TAFA5: variants seen among roughly 807,000 people sequenced by gnomAD.
TAFA5 encodes TAFA chemokine like family member 5.
A neutral mutation model predicts 15.3 loss-of-function variants in TAFA5; 6 were observed. The ratio of observed to expected loss-of-function variants is 0.39; its 90% confidence interval spans 0.21 to 0.77. The LOEUF (loss-of-function observed/expected upper bound fraction) is 0.77, where lower values mean the gene tolerates loss of function less well. Ranked by LOEUF, TAFA5 falls within the 30% of genes least tolerant of loss-of-function variation. TAFA5 has a pLI of 0.41. For synonymous variants in TAFA5, 103 were observed against 80.7 expected (o/e 1.28, Z -1.48); for missense variants, 161 against 193.1 (o/e 0.83, Z 0.98).
chr22:48,658,244 G>A (rs553740917), intron 2 of TAFA5, among the ~76,000 whole-genome samples: 2 of 151,414 alleles, frequency 1.3e-5, no homozygotes, highest in East Asian at 3.9e-4. Context: ...GGCAGGGTGG[G>A]TGGGGGAGCA....
intron 1 of TAFA5, among the ~76,000 whole-genome samples, chr22:48,508,169 G>T (rs1036422370): frequency 5.3e-5 from 8 of 152,218 alleles, no homozygotes; most frequent in Admixed American, 2.0e-4. Context: ...GTGACTGTCT[G>T]TGTGGGGGCT....
chr22:48,553,221 C>A (rs370546638), intron 1 of TAFA5, among the ~76,000 whole-genome samples: 56 of 152,254 alleles, frequency 3.7e-4, no homozygotes, highest in Middle Eastern at 3.4e-3. Context: ...CCACAGGCCC[C>A]CCGCTCTGTG....
chr22:48,624,078 G>A (rs1338565133), intron 1 of TAFA5, among the ~76,000 whole-genome samples: 3 of 152,152 alleles, frequency 2.0e-5, no homozygotes, highest in African/African-American at 7.2e-5. Context: ...GACCTCTCCT[G>A]GCCCTGACAG....
At chr22:48,622,415 C>T (rs1279004134) in intron 1 of TAFA5, among the ~76,000 whole-genome samples, 1 of 152,198 alleles carries the variant, frequency 6.6e-6, no homozygotes, top group Non-Finnish European at 1.5e-5. Flanking sequence ...AGGCTCCATT[C>T]CAGACACTTG....
Position 48,715,045 on chromosome 22 carries a change from A to T in TAFA5, c.390+7201A>T, listed in dbSNP as rs548851244. On this transcript the variant is annotated intron_variant, in intron 3 of 3. Coordinates refer to ENST00000402357, the MANE Select transcript of TAFA5 (RefSeq NM_001082967.3). ...TCCATTGTAAATCTAGGATGATTTC[A>T]TCTGAAGATCTTTCACTAATCATGC... Among the ~76,000 whole-genome samples the T allele has an allele frequency of 1.8e-4, 28 of 152,334 alleles. No individual in the cohort carries two copies. The South Asian group carries it at 5.4e-3, about 29-fold the overall frequency.
intron 2 of TAFA5, among the ~76,000 whole-genome samples, chr22:48,691,291 G>A (rs1928533805): frequency 2.6e-5 from 4 of 152,238 alleles, no homozygotes; most frequent in African/African-American, 9.6e-5. Context: ...GGGTCTGATG[G>A]AAGGATGGGC....
intron 3 of TAFA5, among the ~76,000 whole-genome samples, chr22:48,732,172 G>C (rs563203464): frequency 3.7e-4 from 56 of 152,334 alleles, no homozygotes; most frequent in African/African-American, 1.3e-3. Flanking sequence ...AGAGGGGACT[G>C]GACTGCTGCA....
intron 3 of TAFA5, among the ~76,000 whole-genome samples, chr22:48,716,833 A>G (rs1380545693): frequency 6.6e-6 from 1 of 152,186 alleles, no homozygotes; most frequent in Non-Finnish European, 1.5e-5. Context: ...AGTGTATTAC[A>G]AACCCAGTAG....
intron 3 of TAFA5, among the ~76,000 whole-genome samples, chr22:48,739,371 C>G (rs950638448): frequency 6.6e-6 from 1 of 152,156 alleles, no homozygotes; most frequent in African/African-American, 2.4e-5. Flanking sequence ...CTGGTTCTGT[C>G]AAAGCTAAGC....
intron 1 of TAFA5, among the ~76,000 whole-genome samples, chr22:48,618,688 T>C (rs1244409999): frequency 6.6e-6 from 1 of 152,214 alleles, no homozygotes; most frequent in Non-Finnish European, 1.5e-5. Flanking sequence ...GGGCCCTTGC[T>C]GCTCTGCTGG....
intron 1 of TAFA5, among the ~76,000 whole-genome samples, chr22:48,640,129 G>C (rs1008981678): frequency 2.0e-5 from 3 of 152,180 alleles, no homozygotes; most frequent in Non-Finnish European, 4.4e-5. Flanking sequence ...CAGGCTCTTC[G>C]GCTCTTTGGC....
intron 2 of TAFA5, among the ~76,000 whole-genome samples, chr22:48,662,985 C>T (rs968280352): frequency 2.6e-5 from 4 of 152,196 alleles, no homozygotes; most frequent in African/African-American, 9.6e-5. Flanking sequence ...TCTGGCAGCT[C>T]ATGCCTCCCA....
chr22:48,506,153 GGCCTCGCCTGGCCCCTCCTCCTGCA>G (rs1453958939), intron 1 of TAFA5, among the ~76,000 whole-genome samples: 1 of 152,178 alleles, frequency 6.6e-6, no homozygotes, highest in Non-Finnish European at 1.5e-5. Context: ...CTGGGCTGCT[GGCCTCGCCTGGCCCCTCCTCCTGCA>G]GCCCCGCACT....
chr22:48,525,133 C>T (rs774774178), intron 1 of TAFA5, among the ~76,000 whole-genome samples: 1 of 152,226 alleles, frequency 6.6e-6, no homozygotes, highest in African/African-American at 2.4e-5. Flanking sequence ...AGGGTCCTCT[C>T]CCATCCCAAG....
intron 1 of TAFA5, among the ~76,000 whole-genome samples, chr22:48,525,513 G>A (rs1028715179): frequency 1.6e-4 from 25 of 151,856 alleles, no homozygotes; most frequent in African/African-American, 4.8e-4. Flanking sequence ...TCCCCCTCCC[G>A]GCTGAACCTC....
chr22:48,615,141 C>G (rs1280019944), intron 1 of TAFA5, among the ~76,000 whole-genome samples: 1 of 152,300 alleles, frequency 6.6e-6, no homozygotes, highest in Admixed American at 6.5e-5. Flanking sequence ...CCTCCTGAAC[C>G]CAGGCTGCCT....
At chr22:48,582,904 C>A (rs1272561316) in intron 1 of TAFA5, among the ~76,000 whole-genome samples, 1 of 148,026 alleles carries the variant, frequency 6.8e-6, no homozygotes, top group Non-Finnish European at 1.5e-5. Flanking sequence ...AAGTACACCA[C>A]ACACAAAATA....
At chr22:48,640,868 C>T (rs1601635983) in intron 1 of TAFA5, among the ~76,000 whole-genome samples, 1 of 145,380 alleles carries the variant, frequency 6.9e-6, no homozygotes, top group Non-Finnish European at 1.5e-5. Context: ...GTGGGGGCAC[C>T]GTGGCCCTTG....
At chr22:48,661,410 G>A (rs5771913) in intron 2 of TAFA5, among the ~76,000 whole-genome samples, 69,688 of 152,106 alleles carry the variant, frequency 0.46, 16,324 homozygotes, top group South Asian at 0.62. Flanking sequence ...AACTCGCCCC[G>A]ATGAGGGGAA....
Sources: allele counts gnomAD v4.1 joint callset (sites outside exome capture counted in the v4.1 genomes callset), GRCh38; gene constraint gnomAD v4.1.1; transcripts MANE v1.5; gene names NCBI Gene and HGNC (gene_info 2026-07-23, HGNC 2026-07-21).